Variants in KCNIP4 observed in about 807,000 individuals in gnomAD.
KCNIP4 encodes Kv channel-interacting protein 4.
KCNIP4 carries 12 observed loss-of-function variants against 34.0 expected under a neutral mutation model. That is an observed-to-expected ratio of 0.35 (90% CI 0.23 to 0.57). The LOEUF (loss-of-function observed/expected upper bound fraction) is 0.57. Ranked by LOEUF, KCNIP4 falls within the 20% of genes least tolerant of loss-of-function variation. The pLI is 0.83. For synonymous variants in KCNIP4, 124 were observed against 102.2 expected (o/e 1.21, Z -1.29); for missense variants, 238 against 311.7 (o/e 0.76, Z 1.78).
intron 1 of KCNIP4, among the ~76,000 whole-genome samples, chr4:21,136,405 C>A (rs569168071): frequency 1.3e-5 from 2 of 152,166 alleles, no homozygotes. Context: ...TTTCTCTTTT[C>A]GGATATTACC....
At chr4:20,850,425 T>G in intron 3 of KCNIP4, 118 bp downstream of exon 3, 1 of 1,059,364 alleles carries the variant, frequency 9.4e-7, no homozygotes, top group Non-Finnish European at 1.4e-6. Flanking sequence ...GAAGGATCAG[T>G]ATGAAATATA....
At chr4:21,098,836 A>C (rs1747686327) in intron 1 of KCNIP4, among the ~76,000 whole-genome samples, 1 of 152,234 alleles carries the variant, frequency 6.6e-6, no homozygotes, top group African/African-American at 2.4e-5. Context: ...TCAAAAGAAG[A>C]CATTTATGTG....
chr4:20,996,435 C>T (rs1232241210), intron 1 of KCNIP4, among the ~76,000 whole-genome samples: 3 of 152,206 alleles, frequency 2.0e-5, no homozygotes, highest in Non-Finnish European at 4.4e-5. Context: ...TCCTGTCCCA[C>T]ACCTCCTCAT....
chr4:21,850,645 C>T (rs1022328292), intron 1 of KCNIP4: 1 of 151,916 alleles, frequency 6.6e-6, no homozygotes, highest in Admixed American at 6.6e-5. Flanking sequence ...TGTTATGAAC[C>T]ACAGAAAACA....
At chr4:21,623,324 C>T (rs975543466) in intron 1 of KCNIP4, among the ~76,000 whole-genome samples, 2 of 152,128 alleles carry the variant, frequency 1.3e-5, no homozygotes, top group Non-Finnish European at 2.9e-5. Context: ...AATTACTAAA[C>T]ATAAGATATG....
chr4:20,880,845 A>G (rs1724605192), intron 2 of KCNIP4, among the ~76,000 whole-genome samples: 1 of 152,166 alleles, frequency 6.6e-6, no homozygotes, highest in Non-Finnish European at 1.5e-5. Flanking sequence ...ATTTTTCTAG[A>G]TTATGGTCTT....
intron 1 of KCNIP4, among the ~76,000 whole-genome samples, chr4:21,456,524 C>T (rs1383819802): frequency 6.8e-6 from 1 of 147,644 alleles, no homozygotes; most frequent in Non-Finnish European, 1.5e-5. Flanking sequence ...TTATGTCTGG[C>T]CCTAGTAATT....
intron 5 of KCNIP4, among the ~76,000 whole-genome samples, chr4:20,740,123 A>G (rs979801249): frequency 6.6e-6 from 1 of 152,206 alleles, no homozygotes; most frequent in African/African-American, 2.4e-5. Flanking sequence ...TGTACCTGAA[A>G]GTGACGGGGA....
chr4:21,521,248 C>A (rs1735499323), intron 1 of KCNIP4, among the ~76,000 whole-genome samples: 2 of 152,102 alleles, frequency 1.3e-5, no homozygotes, highest in Non-Finnish European at 1.5e-5. Flanking sequence ...AGAACTGTTC[C>A]ATGTAATTTA....
intron 1 of KCNIP4, among the ~76,000 whole-genome samples, chr4:21,449,931 T>G (rs1020574727): frequency 6.6e-6 from 1 of 152,096 alleles, no homozygotes; most frequent in African/African-American, 2.4e-5. Flanking sequence ...CCATCTACCC[T>G]CTTACATGTC....
At chr4:20,882,849 C>T (rs1393869714) in intron 1 of KCNIP4, 140 bp from the exon 2 acceptor site, 2 of 485,630 alleles carry the variant, frequency 4.1e-6, no homozygotes, top group East Asian at 3.1e-5. Context: ...TGGGTTGGGA[C>T]CCCCGAAAGG....
intron 1 of KCNIP4, among the ~76,000 whole-genome samples, chr4:21,432,158 A>G (rs896420415): frequency 7.3e-6 from 1 of 136,820 alleles, no homozygotes; most frequent in Non-Finnish European, 1.6e-5. Flanking sequence ...AGAAGCACAC[A>G]CATATGGTGG....
intron 1 of KCNIP4, among the ~76,000 whole-genome samples, chr4:21,603,868 T>C (rs1743418606): frequency 6.6e-6 from 1 of 152,128 alleles, no homozygotes; most frequent in African/African-American, 2.4e-5. Flanking sequence ...TTTAGGCAAT[T>C]TATGTTTCTG....
At chr4:20,959,468 T>C (rs140131527) in intron 1 of KCNIP4, among the ~76,000 whole-genome samples, 133 of 152,342 alleles carry the variant, frequency 8.7e-4, no homozygotes, top group African/African-American at 3.0e-3. Flanking sequence ...ATGAGAATTG[T>C]TGAAAGCTAG....
chr4:21,453,559 A>T (rs184404508), intron 1 of KCNIP4, among the ~76,000 whole-genome samples: 1 of 152,084 alleles, frequency 6.6e-6, no homozygotes, highest in Non-Finnish European at 1.5e-5. Context: ...TCTTCATGCC[A>T]GTCTCACCCT....
intron 1 of KCNIP4, among the ~76,000 whole-genome samples, chr4:21,354,406 C>G (rs1458260561): frequency 6.6e-6 from 1 of 152,102 alleles, no homozygotes; most frequent in Non-Finnish European, 1.5e-5. Flanking sequence ...GGAGACCCAT[C>G]TCACCTGCAG....
intron 1 of KCNIP4, among the ~76,000 whole-genome samples, chr4:21,154,729 G>A (rs1311063325): frequency 1.3e-5 from 2 of 152,200 alleles, no homozygotes; most frequent in Admixed American, 6.5e-5. Context: ...TATGTTAGAA[G>A]TGATGTGTGG....
At chr4:20,969,982 C>A (rs148971926) in intron 1 of KCNIP4, among the ~76,000 whole-genome samples, 229 of 151,258 alleles carry the variant, frequency 1.5e-3, no homozygotes, top group African/African-American at 5.3e-3. Flanking sequence ...TGCTTTGTTC[C>A]CCAGGCTGGA....
At chr4:21,882,096 G>A (rs745935339) in intron 1 of KCNIP4, among the ~76,000 whole-genome samples, 2 of 152,164 alleles carry the variant, frequency 1.3e-5, no homozygotes, top group African/African-American at 4.8e-5. Flanking sequence ...TCATATGAAA[G>A]TGAGTGCAAT....
Sources: allele counts gnomAD v4.1 joint callset (sites outside exome capture counted in the v4.1 genomes callset), GRCh38; gene constraint gnomAD v4.1.1; transcripts MANE v1.5; gene names NCBI Gene and HGNC (gene_info 2026-07-23, HGNC 2026-07-21).